The following HNRNPA3 variants were observed in gnomAD, a reference collection of about 807,000 sequenced individuals.
The protein encoded by HNRNPA3 is heterogeneous nuclear ribonucleoprotein A3, also known as epididymis secretory sperm binding protein.
A neutral mutation model predicts 45.8 loss-of-function variants in HNRNPA3; 3 were observed. The observed-to-expected ratio is 0.07, with a 90% CI of 0.03 to 0.17. The LOEUF is 0.17. Ranked by LOEUF, HNRNPA3 falls within the 10% of genes least tolerant of loss-of-function variation. The probability of loss-of-function intolerance (pLI) is 1.00; values close to 1 mark genes in which losing one functional copy is unlikely to be tolerated. For synonymous variants in HNRNPA3, 170 were observed against 155.6 expected (o/e 1.09, Z -0.69); for missense variants, 183 against 480.3 (o/e 0.38, Z 5.79).
chr2:177,216,516 C>T, exon 5 of HNRNPA3: 1 of 1,611,604 alleles, frequency 6.2e-7, no homozygotes, highest in Non-Finnish European at 8.5e-7. Context: ...AGAAATACCA[C>T]ACTATTAATG....
chr2:177,218,929 G>A, intron 8 of HNRNPA3, 108 bp from the exon 9 acceptor site: 1 of 1,321,746 alleles, frequency 7.6e-7, no homozygotes, highest in South Asian at 1.4e-5. Context: ...CCACAGTGAT[G>A]TGTATAAGCA....
At chr2:177,218,320 C>T (rs1200354408) in intron 8 of HNRNPA3, among the ~76,000 whole-genome samples, 2 of 152,040 alleles carry the variant, frequency 1.3e-5, no homozygotes, top group Non-Finnish European at 2.9e-5. Context: ...CTTCTGCCTC[C>T]CAAAGTACTG....
chr2:177,214,860 A>C (rs920701271), intron 1 of HNRNPA3, among the ~76,000 whole-genome samples: 17 of 152,196 alleles, frequency 1.1e-4, no homozygotes, highest in Non-Finnish European at 1.2e-4. Context: ...TTGAAATGGG[A>C]TAGATGCAAC....
chr2:177,221,495 T>A (rs2105440267), downstream of HNRNPA3: 1 of 152,760 alleles, frequency 6.5e-6, no homozygotes, highest in East Asian at 1.9e-4. Flanking sequence ...GAACTAGTAT[T>A]ATAGTGAAAA....
At chr2:177,216,961 GAT>G (rs772835190) in intron 7 of HNRNPA3, 21 bp downstream of exon 7, 2 of 1,474,236 alleles carry the variant, frequency 1.4e-6, no homozygotes, top group Non-Finnish European at 1.8e-6. Context: ...TATTTTCATT[GAT>G]GTTTGATATT....
At chr2:177,217,089 C>G in intron 7 of HNRNPA3, 149 bp downstream of exon 7, 1 of 835,464 alleles carries the variant, frequency 1.2e-6, no homozygotes, top group Non-Finnish European at 1.8e-6. Context: ...AACAGGAACC[C>G]TTTTTCCCCT....
chr2:177,215,295 G>T lies in HNRNPA3; in HGVS notation c.73-244G>T, dbSNP rs573283768. Among the ~76,000 whole-genome samples, 16 of 152,076 alleles carry T rather than the reference G, an allele frequency of 1.1e-4. No individual in the cohort carries two copies. In the South Asian group the frequency reaches 3.3e-3, roughly 32 times the overall value. On this transcript the variant is annotated intron_variant, in intron 1 of 10. Transcript: ENST00000392524. ...TTTTTAGTAGAGATGGGGTTTCGCC[G>T]TGTTGGCCAGGCTGGTCTCGAACTC...
downstream of HNRNPA3, chr2:177,221,350 TATAA>T (rs1420340094): frequency 2.0e-5 from 3 of 152,462 alleles, no homozygotes; most frequent in Admixed American, 2.0e-4. Context: ...CTTTTATTCA[TATAA>T]ATAAAGTTTA....
downstream of HNRNPA3, chr2:177,222,770 C>G (rs2105442465): frequency 6.5e-6 from 1 of 152,690 alleles, no homozygotes; most frequent in Middle Eastern, 3.4e-3. Context: ...GCCTGGGTGA[C>G]CCCATCTCAA....
At chr2:177,218,502 G>A (rs1689057917) in intron 8 of HNRNPA3, among the ~76,000 whole-genome samples, 5 of 152,146 alleles carry the variant, frequency 3.3e-5, no homozygotes, top group Admixed American at 3.3e-4. Flanking sequence ...TGGACAACCG[G>A]GAATAAATTG....
chr2:177,216,581 G>A, exon 5 of HNRNPA3: 1 of 1,613,856 alleles, frequency 6.2e-7, no homozygotes, highest in South Asian at 1.1e-5. Flanking sequence ...CAGTCTGCTG[G>A]ATCACAGAGA....
At position 177,216,787 on chromosome 2, in the gene HNRNPA3, T is replaced by C. The variant is rs1208679389; in HGVS notation, c.739+16T>C. 1 of 1,614,094 alleles carries C rather than the reference T, an allele frequency of 6.2e-7. No homozygotes were observed. Among genetic ancestry groups the C allele is most frequent in the East Asian group, 2.2e-5 (1 of 44,888 alleles). ...GGTGGAAGAGGTAGGCTGTTTATCT[T>C]CTAAGTACATGGATACCTGACATTT... On this transcript the variant is annotated intron_variant, in intron 6 of 10. Coordinates refer to ENST00000392524, the Ensembl canonical transcript of HNRNPA3.
At chr2:177,218,013 A>G (rs900433813) in intron 8 of HNRNPA3, among the ~76,000 whole-genome samples, 168 bp downstream of exon 8, 2 of 142,872 alleles carry the variant, frequency 1.4e-5, no homozygotes, top group Non-Finnish European at 3.0e-5. Flanking sequence ...TTTGCTGGTT[A>G]TTTAGTAAAA....
intron 1 of HNRNPA3, among the ~76,000 whole-genome samples, 154 bp from the exon 2 acceptor site, chr2:177,215,385 G>T (rs935541647): frequency 6.6e-6 from 1 of 152,156 alleles, no homozygotes; most frequent in African/African-American, 2.4e-5. Flanking sequence ...ATGAGACATC[G>T]CGCCGGTGTC....
chr2:177,214,941 C>T (rs916703735), intron 1 of HNRNPA3, among the ~76,000 whole-genome samples: 1 of 152,168 alleles, frequency 6.6e-6, no homozygotes, highest in African/African-American at 2.4e-5. Flanking sequence ...GGTTCTCAGA[C>T]AGTTGTAGCT....
Position 177,216,528 on chromosome 2 carries a change from G to T in HNRNPA3, c.579G>T (p.Gly193=), listed in dbSNP as rs1251770319. ...TTCAGAAATACCACACTATTAATGG[G>T]CATAATTGTGAAGTGAAAAAGGCCC... The change falls in exon 5 of 11, where the codon GGG becomes GGT. Residue 193 remains glycine, a synonymous_variant. Coordinates refer to ENST00000392524, the Ensembl canonical transcript of HNRNPA3. 4.3e-6 allele frequency: 7 copies of T among 1,612,796 alleles called. 1 individual carries two copies. The East Asian group carries it at 6.7e-5, about 15-fold the overall frequency.
intron 1 of HNRNPA3, among the ~76,000 whole-genome samples, chr2:177,215,207 A>G (rs750258066): frequency 1.3e-5 from 2 of 151,780 alleles, no homozygotes; most frequent in African/African-American, 2.4e-5. Flanking sequence ...GGTTTAAGCG[A>G]TTTTCCTTTC....
Position 177,215,910 on chromosome 2 carries a change from A to G in HNRNPA3, c.342+14A>G. 1 of 1,597,044 alleles carries G rather than the reference A, an allele frequency of 6.3e-7. No homozygotes were observed. The highest frequency in any genetic ancestry group is 1.1e-5 in the South Asian group (1 of 87,420). ...GTTTCTAGAGAGGTATTTTAATAAT[A>G]CATTGTGTAATATGTGAAATTGTTG... is the stretch of plus-strand genomic sequence containing the variant. On this transcript the variant is annotated intron_variant, in intron 3 of 10. Transcript: ENST00000392524.
intron 1 of HNRNPA3, among the ~76,000 whole-genome samples, chr2:177,214,253 C>T (rs1237361124): frequency 6.6e-6 from 1 of 152,184 alleles, no homozygotes; most frequent in South Asian, 2.1e-4. Flanking sequence ...CATACCATTC[C>T]TAATGTAAGT....
Sources: gnomAD v4.1 joint callset for allele counts (sites outside exome capture counted in the v4.1 genomes callset) on GRCh38, gnomAD v4.1.1 for gene constraint, MANE v1.5 for transcripts, NCBI Gene and HGNC (gene_info 2026-07-23, HGNC 2026-07-21) for gene names.